TBCK: variants seen among roughly 807,000 people sequenced by gnomAD.
The protein encoded by TBCK is TBC1 domain containing kinase.
In TBCK, 99 loss-of-function variants were observed where a neutral mutation model predicts 113.4. The observed-to-expected ratio is 0.87, with a 90% CI of 0.74 to 1.03. The LOEUF (loss-of-function observed/expected upper bound fraction) is 1.03, where lower values mean the gene tolerates loss of function less well. Among genes scored for constraint, TBCK ranks in the 50% least tolerant of loss-of-function variants. TBCK has a pLI of 0.00. For missense variants in TBCK, 1,045 were observed against 1,061.3 expected, an observed-to-expected ratio of 0.98 and a Z score of 0.21; for synonymous variants, 369 against 370.8, an observed-to-expected ratio of 1.00 and a Z score of 0.05.
At chr4:106,296,012 A>T (rs932461036) in intron 2 of TBCK, among the ~76,000 whole-genome samples, 1 of 152,158 alleles carries the variant, frequency 6.6e-6, no homozygotes, top group Non-Finnish European at 1.5e-5. Context: ...GGTCAACTGA[A>T]CAACAGTTGA....
Position 106,248,908 on chromosome 4 carries a change from A to T in TBCK, c.720+13T>A. On this transcript the variant is annotated intron_variant, in intron 8 of 25. Coordinates refer to ENST00000394708, the MANE Select transcript of TBCK (RefSeq NM_001163435.3). ...GCAGCACAAATGGACTAAGACCCAG[A>T]TTAATGACAAACCTTTATAATGTCC... The T allele has an allele frequency of 6.3e-7, 1 of 1,595,828 alleles. No homozygotes were observed. Among genetic ancestry groups the T allele is most frequent in the Non-Finnish European group, 8.5e-7 (1 of 1,173,354 alleles).
At chr4:106,208,739 T>C (rs1379620745) in intron 20 of TBCK, among the ~76,000 whole-genome samples, 3 of 152,106 alleles carry the variant, frequency 2.0e-5, no homozygotes. Context: ...CCCCTCCTGC[T>C]TGCCAAACAA....
chr4:106,115,236 G>T (rs1743348416), intron 24 of TBCK, among the ~76,000 whole-genome samples: 1 of 152,102 alleles, frequency 6.6e-6, no homozygotes, highest in Admixed American at 6.5e-5. Context: ...AACTTTTTGA[G>T]CAACAACATC....
At chr4:106,210,091 G>C (rs1442739000) in intron 20 of TBCK, among the ~76,000 whole-genome samples, 1 of 152,006 alleles carries the variant, frequency 6.6e-6, no homozygotes. Flanking sequence ...ACTGTCCTTT[G>C]TTCTAGACTA....
chr4:106,079,279 GT>G (rs1738583075), intron 25 of TBCK, among the ~76,000 whole-genome samples: 1 of 152,158 alleles, frequency 6.6e-6, no homozygotes, highest in African/African-American at 2.4e-5. Context: ...AAGGATGCCT[GT>G]TCTCAACATT....
intron 25 of TBCK, among the ~76,000 whole-genome samples, chr4:106,068,365 T>C (rs1224645546): frequency 1.3e-5 from 2 of 152,028 alleles, no homozygotes; most frequent in Non-Finnish European, 2.9e-5. Context: ...AGTGTTCTCA[T>C]TGTTCAATTC....
At chr4:106,199,879 G>C (rs1305890729) in intron 20 of TBCK, among the ~76,000 whole-genome samples, 1 of 151,984 alleles carries the variant, frequency 6.6e-6, no homozygotes, top group African/African-American at 2.4e-5. Context: ...TTCCATTCTT[G>C]CCCATCCTTC....
intron 22 of TBCK, among the ~76,000 whole-genome samples, chr4:106,180,319 T>C (rs1159633267): frequency 2.6e-5 from 4 of 152,218 alleles, no homozygotes; most frequent in Admixed American, 6.6e-5. Flanking sequence ...GACACTTTCT[T>C]CCTTTTATCC....
At chr4:106,123,768 T>C (rs994714720) in intron 23 of TBCK, among the ~76,000 whole-genome samples, 5 of 151,282 alleles carry the variant, frequency 3.3e-5, no homozygotes, top group Non-Finnish European at 4.4e-5. Context: ...CCCTATTTAA[T>C]AAATGGTGCT....
At chr4:106,192,684 T>C (rs1401391755) in intron 22 of TBCK, among the ~76,000 whole-genome samples, 2 of 152,122 alleles carry the variant, frequency 1.3e-5, no homozygotes, top group Non-Finnish European at 2.9e-5. Flanking sequence ...AAGTACCAAG[T>C]ACAGATCATC....
At chr4:106,242,114 T>C (rs1760209830) in intron 12 of TBCK, among the ~76,000 whole-genome samples, 1 of 152,002 alleles carries the variant, frequency 6.6e-6, no homozygotes, top group South Asian at 2.1e-4. Flanking sequence ...GTGAAAAGAC[T>C]TACAACTGCA....
At chr4:106,103,051 T>TA in intron 24 of TBCK, among the ~76,000 whole-genome samples, 1 of 152,300 alleles carries the variant, frequency 6.6e-6, no homozygotes, top group East Asian at 1.9e-4. Flanking sequence ...CAATGGGCTT[T>TA]AAAAAACATC....
intron 24 of TBCK, among the ~76,000 whole-genome samples, chr4:106,102,703 T>A (rs1741694864): frequency 6.6e-6 from 1 of 152,128 alleles, no homozygotes; most frequent in Non-Finnish European, 1.5e-5. Context: ...GGCAAAGACT[T>A]CCCATTTAAA....
At chr4:106,111,138 G>T (rs922622724) in intron 24 of TBCK, among the ~76,000 whole-genome samples, 4 of 152,094 alleles carry the variant, frequency 2.6e-5, no homozygotes, top group Non-Finnish European at 4.4e-5. Context: ...TCCTATTTGG[G>T]TAGAACAGTA....
chr4:106,215,874 C>A (rs1011608449), intron 19 of TBCK, among the ~76,000 whole-genome samples: 12 of 151,802 alleles, frequency 7.9e-5, no homozygotes, highest in African/African-American at 2.2e-4. Context: ...ACCCAATAGA[C>A]ATCTACAGAA....
chr4:106,171,325 A>T (rs547121439), intron 22 of TBCK, 55 bp from the exon 23 acceptor site: 156 of 1,375,718 alleles, frequency 1.1e-4, no homozygotes, highest in Non-Finnish European at 1.5e-4. Context: ...TGCTCTTTTA[A>T]TGTAATAAAC....
intron 2 of TBCK, among the ~76,000 whole-genome samples, chr4:106,295,817 A>G (rs1056116538): frequency 2.6e-5 from 4 of 152,152 alleles, no homozygotes; most frequent in Non-Finnish European, 4.4e-5. Flanking sequence ...CAGTATCTAC[A>G]TTTATTTTAT....
At chr4:106,067,345 G>A (rs532635668) in intron 25 of TBCK, among the ~76,000 whole-genome samples, 5 of 152,196 alleles carry the variant, frequency 3.3e-5, no homozygotes, top group Admixed American at 3.3e-4. Flanking sequence ...TTGAGCTGTA[G>A]GAGTTGTTAG....
At chr4:106,125,622 C>T (rs894107100) in intron 23 of TBCK, among the ~76,000 whole-genome samples, 3 of 152,072 alleles carry the variant, frequency 2.0e-5, no homozygotes, top group African/African-American at 7.2e-5. Context: ...GCAAATATTG[C>T]ATGTTCTGAC....
Sources: gnomAD v4.1 joint callset for allele counts (sites outside exome capture counted in the v4.1 genomes callset) on GRCh38, gnomAD v4.1.1 for gene constraint, MANE v1.5 for transcripts, NCBI Gene and HGNC (gene_info 2026-07-23, HGNC 2026-07-21) for gene names.